Variants in PCDHB9 observed in about 807,000 individuals in gnomAD.
PCDHB9 encodes protocadherin beta 9.
For synonymous variants in PCDHB9, 501 were observed against 439.7 expected (o/e 1.14, Z -1.75); for missense variants, 1,072 against 995.1 (o/e 1.08, Z -1.04).
At position 141,189,784 on chromosome 5, in the gene PCDHB9, A is replaced by G. The variant is rs1753855446; in HGVS notation, c.*72A>G. On this transcript the variant is annotated 3_prime_UTR_variant, in exon 1 of 1. Coordinates refer to ENST00000316105, the MANE Select transcript of PCDHB9 (RefSeq NM_019119.5). ...TTGGCTAACTAAATTGTGTATGCCCACCACAAAGAAGGTACTATTTTTTGT... is the reference window on the plus strand; with the variant it reads ...TTGGCTAACTAAATTGTGTATGCCCGCCACAAAGAAGGTACTATTTTTTGT... 1.9e-5 allele frequency: 24 copies of G among 1,296,552 alleles called. 1 individual carries two copies. The South Asian group carries it at 3.6e-4, about 20-fold the overall frequency. 80.3% of individuals were successfully genotyped at this position (1,296,552 alleles called of 1,614,324 possible). A position where few individuals can be genotyped will look rare whatever the true frequency, so the allele number is the denominator to read the frequency against.
chr5:141,188,116 A>G lies in PCDHB9; in HGVS notation c.798A>G (p.Ala266=), dbSNP rs782646995. The G allele has an allele frequency of 3.1e-6, 5 of 1,613,310 alleles. No individual in the cohort carries two copies. The African/African-American group carries it at 6.7e-5, about 22-fold the overall frequency. The change falls in exon 1 of 1, where the codon GCA becomes GCG. Residue 266 remains alanine, a synonymous_variant. Transcript: ENST00000316105. ...GGTCCCTTATTGTTAAAGTGTCTGCAGGAGATGCAGACTCAGGAGTCAATG... is the reference window on the plus strand; with the variant it reads ...GGTCCCTTATTGTTAAAGTGTCTGCGGGAGATGCAGACTCAGGAGTCAATG... ...PVGSLIVKVS[A]GDADSGVNAE...
chr5:141,187,742 A>G lies in PCDHB9; in HGVS notation c.424A>G (p.Ile142Val). The G allele has an allele frequency of 6.2e-7, 1 of 1,614,206 alleles. No individual in the cohort carries two copies. The highest frequency in any genetic ancestry group is 8.5e-7 in the Non-Finnish European group (1 of 1,180,044). Residue 142 changes from isoleucine (I) to valine (V), a missense_variant, in exon 1 of 1, where the codon ATA becomes GTA. By Grantham distance (29) the Ile-to-Val change is conservative. Transcript: ENST00000316105. ...TCGGCACAAAGAGATGGTCTTAAAA[A>G]TATCAGAAAATACAGCTGAAGGGAC... is the stretch of plus-strand genomic sequence containing the variant. The part of the protein sequence containing the change: ...VFRHKEMVLK[I>V]SENTAEGTAF...
rs781854521 is a variant in PCDHB9 at position 141,188,524 on chromosome 5, C to A, written c.1206C>A (p.Ile402=). The change falls in exon 1 of 1, where the codon ATC becomes ATA. Residue 402 remains isoleucine (I), a synonymous_variant. Coordinates refer to ENST00000316105, the MANE Select transcript of PCDHB9 (RefSeq NM_019119.5). The part of the protein sequence containing the change: ...FLKPSVDNFY[I]LMTEGALDRE... Reference sequence around the variant, plus strand: ...AACCGTCTGTTGACAATTTTTACATCCTAATGACTGAAGGTGCACTGGACA... The same window carrying A: ...AACCGTCTGTTGACAATTTTTACATACTAATGACTGAAGGTGCACTGGACA... The A allele has an allele frequency of 2.5e-6, 4 of 1,614,184 alleles. No individual in the cohort carries two copies. Among genetic ancestry groups the A allele is most frequent in the Non-Finnish European group, 1.7e-6 (2 of 1,180,030 alleles).
At position 141,188,622 on chromosome 5, in the gene PCDHB9, A is replaced by T. The variant is rs530175263; in HGVS notation, c.1304A>T (p.His435Leu). 4 of 1,614,172 alleles carry T rather than the reference A, an allele frequency of 2.5e-6. No homozygotes were observed. In the South Asian group the frequency reaches 4.4e-5, roughly 18 times the overall value. ...GGGACACCCAGGCTGAAAACCGAGC[A>T]CAGCATAACCCTGCAGGTCTCCGAC... ...DLGTPRLKTE[H>L]SITLQVSDVN... The change falls in exon 1 of 1, where the codon CAC (histidine) becomes CTC (leucine). Residue 435 changes from histidine to leucine, a missense_variant. Physicochemically the swap from His to Leu is moderately conservative, Grantham distance 99. Transcript: ENST00000316105.
Position 141,188,695 on chromosome 5 carries a change from C to T in PCDHB9, c.1377C>T (p.Phe459=), listed in dbSNP as rs1554283082. 14 of 1,613,986 alleles carry T rather than the reference C, an allele frequency of 8.7e-6. No individual in the cohort carries two copies. Among genetic ancestry groups the T allele is most frequent in the Admixed American group, 1.7e-5 (1 of 60,016 alleles). The change falls in exon 1 of 1, where the codon TTC becomes TTT. Residue 459 remains phenylalanine (F), a synonymous_variant. Transcript: ENST00000316105. ...TCACCCAAACCTCCTACACCCTGTTCGTCCGGGAGAACAACAGCCCCGCCC... is the reference window on the plus strand; with the variant it reads ...TCACCCAAACCTCCTACACCCTGTTTGTCCGGGAGAACAACAGCCCCGCCC... ...PAFTQTSYTL[F]VRENNSPALH... is the part of the protein sequence containing the mutation.
chr5:141,188,890 G>A lies in PCDHB9; in HGVS notation c.1572G>A (p.Leu524=), dbSNP rs765790311. 2 of 1,612,560 alleles carry A rather than the reference G, an allele frequency of 1.2e-6. No individual in the cohort carries two copies. Among genetic ancestry groups the A allele is most frequent in the Non-Finnish European group, 1.7e-6 (2 of 1,179,912 alleles). Residue 524 remains leucine, a synonymous_variant, in exon 1 of 1, where the codon CTG becomes CTA. Transcript: ENST00000316105. ...TCAGGTCGCTGGACTACGAGGCCCT[G>A]CAGGCTTTCGACTTCCGCGTGGGCG... ...FALRSLDYEA[L]QAFDFRVGAS...
chr5:141,188,382 CTG>C lies in PCDHB9; in HGVS notation c.1066_1067del (p.Val356CysfsTer2), dbSNP rs781942978. ...CTGATCATATCATCACTTTCCAACT[CTG>C]TTGCTGAAAACTCTCCTGGGATAGT... is the stretch of plus-strand genomic sequence containing the variant. On this transcript the variant is annotated frameshift_variant, in exon 1 of 1. Transcript: ENST00000316105. LOFTEE classifies it low-confidence loss of function (END_TRUNC). 8.9e-5 allele frequency: 143 copies of C among 1,614,022 alleles called. No homozygotes were observed. The highest frequency in any genetic ancestry group is 1.1e-4 in the Non-Finnish European group (133 of 1,180,012).
Position 141,190,786 on chromosome 5 carries a change from C to G in PCDHB9, c.*1074C>G, listed in dbSNP as rs191465688. ...GTTAAATTTTTAATGGCTAATAGCC[C>G]AGTGCCATCCAGTTGAAAAAACAAC... On this transcript the variant is annotated 3_prime_UTR_variant, in exon 1 of 1. Transcript: ENST00000316105. 1.3e-4 allele frequency: 20 copies of G among 152,112 alleles called. No individual in the cohort carries two copies. Among genetic ancestry groups the G allele is most frequent in the Admixed American group, 1.2e-3 (19 of 15,284 alleles). The allele number at this position is 152,112 out of a possible 1,614,324, so 9.4% of individuals were successfully genotyped here.
Position 141,188,599 on chromosome 5 carries a change from G to A in PCDHB9, c.1281G>A (p.Gly427=), listed in dbSNP as rs782645373. 7.4e-6 allele frequency: 12 copies of A among 1,614,190 alleles called. No homozygotes were observed. The Middle Eastern group carries it at 6.6e-4, about 89-fold the overall frequency. ...YNITITVTDL[G]TPRLKTEHSI... is the part of the protein sequence containing the mutation. Reference sequence around the variant, plus strand: ...TCACCATCACCGTCACTGACTTGGGGACACCCAGGCTGAAAACCGAGCACA... The same window carrying A: ...TCACCATCACCGTCACTGACTTGGGAACACCCAGGCTGAAAACCGAGCACA... The change falls in exon 1 of 1, where the codon GGG becomes GGA. Residue 427 remains glycine, a synonymous_variant. Coordinates refer to ENST00000316105, the MANE Select transcript of PCDHB9 (RefSeq NM_019119.5).
Position 141,188,872 on chromosome 5 carries a change from G to T in PCDHB9, c.1554G>T (p.Ser518=), listed in dbSNP as rs782661961. The T allele has an allele frequency of 6.2e-7, 1 of 1,612,616 alleles. No homozygotes were observed. Among genetic ancestry groups the T allele is most frequent in the African/African-American group, 1.3e-5 (1 of 74,900 alleles). ...ATGGCCACCTGTTTGCCCTCAGGTC[G>T]CTGGACTACGAGGCCCTGCAGGCTT... ...ADNGHLFALR[S]LDYEALQAFD... is the part of the protein sequence containing the mutation. The change falls in exon 1 of 1, where the codon TCG becomes TCT. Residue 518 remains serine (S), a synonymous_variant. Coordinates refer to ENST00000316105, the MANE Select transcript of PCDHB9 (RefSeq NM_019119.5).
Position 141,187,606 on chromosome 5 carries a change from T to C in PCDHB9, c.288T>C (p.Cys96=), listed in dbSNP as rs1753767757. ...TNEKLDREKL[C]GPKEPCMLYF... ...AGAAACTGGACCGAGAGAAGCTGTG[T>C]GGCCCTAAAGAGCCCTGTATGCTGT... Residue 96 remains cysteine (C), a synonymous_variant, in exon 1 of 1, where the codon TGT becomes TGC. Transcript: ENST00000316105. 2 of 1,612,512 alleles carry C rather than the reference T, an allele frequency of 1.2e-6. No individual in the cohort carries two copies. The highest frequency in any genetic ancestry group is 1.7e-6 in the Non-Finnish European group (2 of 1,178,806).
In PCDHB9 at chr5:141,188,176, A is replaced by T; in HGVS notation, c.858A>T (p.Glu286Asp). 3.1e-6 allele frequency: 5 copies of T among 1,610,754 alleles called. No individual in the cohort carries two copies. Among genetic ancestry groups the T allele is most frequent in the Non-Finnish European group, 4.2e-6 (5 of 1,177,972 alleles). ...EVSYSFFDAS[E>D]DILTTFQINP... The stretch of plus-strand genomic sequence containing the variant: ...CCTATTCATTTTTTGATGCTTCTGA[A>T]GATATTTTAACAACGTTTCAAATCA... The change falls in exon 1 of 1, where the codon GAA becomes GAT. Residue 286 changes from glutamate (E) to aspartate (D), a missense_variant. Coordinates refer to ENST00000316105, the MANE Select transcript of PCDHB9 (RefSeq NM_019119.5).
rs1465391207 is a variant in PCDHB9 at position 141,190,120 on chromosome 5, G to A, written c.*408G>A. ...TTCTTTTGAAACCGGTGTTCTTATTGGTTTGCCATCCTTGTTCATTACAAC... is the reference window on the plus strand; with the variant it reads ...TTCTTTTGAAACCGGTGTTCTTATTAGTTTGCCATCCTTGTTCATTACAAC... On this transcript the variant is annotated 3_prime_UTR_variant, in exon 1 of 1. Coordinates refer to ENST00000316105, the MANE Select transcript of PCDHB9 (RefSeq NM_019119.5). 1 of 154,890 alleles carries A rather than the reference G, an allele frequency of 6.5e-6. No homozygotes were observed. Among genetic ancestry groups the A allele is most frequent in the Non-Finnish European group, 1.4e-5 (1 of 70,706 alleles). 9.6% of individuals were successfully genotyped at this position (154,890 alleles called of 1,614,324 possible).
Position 141,188,621 on chromosome 5 carries a change from C to T in PCDHB9, c.1303C>T (p.His435Tyr). The T allele has an allele frequency of 6.2e-7, 1 of 1,614,204 alleles. No individual in the cohort carries two copies. Among genetic ancestry groups the T allele is most frequent in the Non-Finnish European group, 8.5e-7 (1 of 1,180,052 alleles). The change falls in exon 1 of 1, where the codon CAC becomes TAC. Residue 435 changes from histidine (H) to tyrosine (Y), a missense_variant. By Grantham distance (83) the His-to-Tyr change is moderately conservative. Coordinates refer to ENST00000316105, the MANE Select transcript of PCDHB9 (RefSeq NM_019119.5). ...GGGGACACCCAGGCTGAAAACCGAG[C>T]ACAGCATAACCCTGCAGGTCTCCGA... The part of the protein sequence containing the change: ...DLGTPRLKTE[H>Y]SITLQVSDVN...
rs1361973602 is a variant in PCDHB9 at position 141,188,913 on chromosome 5, G to T, written c.1595G>T (p.Gly532Val). ...CTGCAGGCTTTCGACTTCCGCGTGG[G>T]CGCCTCAGACCGCGGCTCCCCGGCT... is the stretch of plus-strand genomic sequence containing the variant. Reference protein sequence around the residue: ...EALQAFDFRVGASDRGSPALS... With the variant: ...EALQAFDFRVVASDRGSPALS... Residue 532 changes from glycine to valine, a missense_variant, in exon 1 of 1, where the codon GGC (glycine) becomes GTC (valine). Gly to Val is a moderately radical substitution (Grantham distance 109, BLOSUM62 -3). Coordinates refer to ENST00000316105, the MANE Select transcript of PCDHB9 (RefSeq NM_019119.5). The T allele has an allele frequency of 1.9e-6, 3 of 1,612,156 alleles. No individual in the cohort carries two copies. Among genetic ancestry groups the T allele is most frequent in the African/African-American group, 2.7e-5 (2 of 74,874 alleles).
At position 141,188,837 on chromosome 5, in the gene PCDHB9, A is replaced by C. The variant is rs782752757; in HGVS notation, c.1519A>C (p.Asn507His). Reference sequence around the variant, plus strand: ...GCCCCTCGCCTCCCTGGTCTCCATCAACGCGGACAATGGCCACCTGTTTGC... The same window carrying C: ...GCCCCTCGCCTCCCTGGTCTCCATCCACGCGGACAATGGCCACCTGTTTGC... ...HLPLASLVSI[N>H]ADNGHLFALR... Residue 507 changes from asparagine (N) to histidine (H), a missense_variant, in exon 1 of 1, where the codon AAC becomes CAC. Asn to His is a moderately conservative substitution (Grantham distance 68). Transcript: ENST00000316105. 2 of 1,612,894 alleles carry C rather than the reference A, an allele frequency of 1.2e-6. No homozygotes were observed. Among genetic ancestry groups the C allele is most frequent in the Non-Finnish European group, 1.7e-6 (2 of 1,179,978 alleles).
chr5:141,187,231 G>A lies in PCDHB9; in HGVS notation c.-88G>A. 7.2e-7 allele frequency: 1 copy of A among 1,384,140 alleles called. No homozygotes were observed. Among genetic ancestry groups the A allele is most frequent in the East Asian group, 2.3e-5 (1 of 43,644 alleles). 85.7% of individuals were successfully genotyped at this position (1,384,140 alleles called of 1,614,324 possible). A position where few individuals can be genotyped will look rare whatever the true frequency, so the allele number is the denominator to read the frequency against. Reference sequence around the variant, plus strand: ...GGGAAAGGAAAAATTAAAAACCCTAGATCTCTGGTACACATAAGTCTGGGT... The same window carrying A: ...GGGAAAGGAAAAATTAAAAACCCTAAATCTCTGGTACACATAAGTCTGGGT... On this transcript the variant is annotated 5_prime_UTR_variant, in exon 1 of 1. Transcript: ENST00000316105.
rs1400484082 is a variant in PCDHB9 at position 141,191,428 on chromosome 5, A to G, written c.*1716A>G. 2 of 152,158 alleles carry G rather than the reference A, an allele frequency of 1.3e-5. No individual in the cohort carries two copies. Among genetic ancestry groups the G allele is most frequent in the African/African-American group, 2.4e-5 (1 of 41,422 alleles). 9.4% of individuals were successfully genotyped at this position (152,158 alleles called of 1,614,324 possible). A position where few individuals can be genotyped will look rare whatever the true frequency, so the allele number is the denominator to read the frequency against. On this transcript the variant is annotated 3_prime_UTR_variant, in exon 1 of 1. Coordinates refer to ENST00000316105, the MANE Select transcript of PCDHB9 (RefSeq NM_019119.5). ...AGAAGTTAGATCCTGCTAAATTTCAATTAAGAGGGGACCTTAAAATAAGGA... is the reference window on the plus strand; with the variant it reads ...AGAAGTTAGATCCTGCTAAATTTCAGTTAAGAGGGGACCTTAAAATAAGGA...
Position 141,188,699 on chromosome 5 carries a change from C to T in PCDHB9, c.1381C>T (p.Arg461Trp), listed in dbSNP as rs782010063. ...CCAAACCTCCTACACCCTGTTCGTC[C>T]GGGAGAACAACAGCCCCGCCCTGCA... ...FTQTSYTLFV[R>W]ENNSPALHIG... Residue 461 changes from arginine to tryptophan, a missense_variant, in exon 1 of 1, where the codon CGG (arginine) becomes TGG (tryptophan). Arg to Trp is a moderately radical substitution (Grantham distance 101). Transcript: ENST00000316105. 5 of 1,613,942 alleles carry T rather than the reference C, an allele frequency of 3.1e-6. No individual in the cohort carries two copies. Among genetic ancestry groups the T allele is most frequent in the Admixed American group, 1.7e-5 (1 of 60,010 alleles).
Sources: allele counts gnomAD v4.1 joint callset, GRCh38; gene constraint gnomAD v4.1.1; transcripts MANE v1.5; gene names NCBI Gene and HGNC (gene_info 2026-07-23, HGNC 2026-07-21).